Variants in SEC31A observed in about 807,000 individuals in gnomAD.
The protein encoded by SEC31A is SEC31 homolog A, COPII component.
A neutral mutation model predicts 151.0 loss-of-function variants in SEC31A; 70 were observed. The ratio of observed to expected loss-of-function variants is 0.46; its 90% CI spans 0.38 to 0.57. The LOEUF is 0.57. Among genes scored for constraint, SEC31A ranks in the 20% least tolerant of loss-of-function variants. SEC31A has a pLI of 0.00. For synonymous variants in SEC31A, 475 were observed against 505.9 expected (o/e 0.94, Z 0.82); for missense variants, 1,330 against 1,471.2 (o/e 0.90, Z 1.57).
intron 8 of SEC31A, among the ~76,000 whole-genome samples, chr4:82,868,237 G>A (rs777909469): frequency 6.6e-6 from 1 of 152,136 alleles, no homozygotes; most frequent in East Asian, 1.9e-4. Context: ...GGTGGTTCAC[G>A]CCTATAATCC....
chr4:82,852,333 C>T (rs750019383), intron 18 of SEC31A, among the ~76,000 whole-genome samples: 1 of 152,158 alleles, frequency 6.6e-6, no homozygotes, highest in Non-Finnish European at 1.5e-5. Flanking sequence ...CACCATCTAT[C>T]CTATAAAAAT....
At chr4:82,823,573 C>T (rs750507447) in intron 25 of SEC31A, among the ~76,000 whole-genome samples, 15 of 152,006 alleles carry the variant, frequency 9.9e-5, no homozygotes, top group Non-Finnish European at 1.8e-4. Context: ...GACAAGTAGC[C>T]GATGATTAAA....
upstream of SEC31A, chr4:82,895,345 C>T (rs919124648): frequency 1.3e-5 from 2 of 152,166 alleles, no homozygotes; most frequent in Non-Finnish European, 2.9e-5. Flanking sequence ...TGGCATGCGC[C>T]TCTAATCCCA....
chr4:82,898,653 T>C (rs1170536639), intron 3 of SEC31A, among the ~76,000 whole-genome samples: 1 of 152,182 alleles, frequency 6.6e-6, no homozygotes, highest in Non-Finnish European at 1.5e-5. Context: ...CTTAAGAAAA[T>C]GGCAAGTGAA....
chr4:82,879,068 T>G (rs900602664), intron 3 of SEC31A, 140 bp from the exon 4 acceptor site: 1 of 656,838 alleles, frequency 1.5e-6, no homozygotes, highest in Non-Finnish European at 2.7e-6. Context: ...GGTAACTATG[T>G]ATGACTTTGG....
At chr4:82,835,707 A>T (rs555441924) in intron 22 of SEC31A, among the ~76,000 whole-genome samples, 1 of 152,224 alleles carries the variant, frequency 6.6e-6, no homozygotes, top group East Asian at 1.9e-4. Flanking sequence ...AGGCATGAGA[A>T]TTGCTTGAAC....
At chr4:82,882,193 G>A (rs967819558) in intron 1 of SEC31A, among the ~76,000 whole-genome samples, 3 of 152,034 alleles carry the variant, frequency 2.0e-5, no homozygotes, top group Admixed American at 6.6e-5. Context: ...CACGAGGTCA[G>A]GAGATTGAGA....
chr4:82,829,021 G>A lies in SEC31A; in HGVS notation c.3006C>T (p.Asn1002=). The part of the protein sequence containing the change: ...QNGWNDPPAL[N]RVPKKKKMPE... The stretch of plus-strand genomic sequence containing the variant: ...GTACCTTCTTCTTTTTGGGTACTCT[G>A]TTCAAAGCTGGAGGGTCATTCCAAC... The change falls in exon 23 of 27, where the codon AAC becomes AAT. Residue 1002 remains asparagine (N), a synonymous_variant. Coordinates refer to ENST00000395310, the MANE Select transcript of SEC31A (RefSeq NM_001077207.4). 1 of 1,613,660 alleles carries A rather than the reference G, an allele frequency of 6.2e-7. No homozygotes were observed. Among genetic ancestry groups the A allele is most frequent in the African/African-American group, 1.3e-5 (1 of 75,018 alleles).
rs1301549156 is a variant in SEC31A at position 82,841,429 on chromosome 4, GA to G, written c.2968+710del. Among the ~76,000 whole-genome samples the G allele has an allele frequency of 9.9e-4, 47 of 47,680 alleles. 1 individual carries two copies. The highest frequency in any genetic ancestry group is 3.2e-3 in the Admixed American group (10 of 3,152). The allele number at this position is 47,680 out of a possible 152,430, so 31.3% of individuals were successfully genotyped here. ...CAGAATGAGACTCCATCTCAAAAAAGAAAAAAAAAATTTTATATATATATAT... is the reference window on the plus strand; with the variant it reads ...CAGAATGAGACTCCATCTCAAAAAAGAAAAAAAAATTTTATATATATATAT... On this transcript the variant is annotated intron_variant, in intron 22 of 26. Transcript: ENST00000395310.
At chr4:82,826,649 G>A (rs943820039) in intron 24 of SEC31A, among the ~76,000 whole-genome samples, 1 of 152,194 alleles carries the variant, frequency 6.6e-6, no homozygotes, top group African/African-American at 2.4e-5. Context: ...CACTGCACCC[G>A]GCTTCAGGCA....
intron 1 of SEC31A, chr4:82,890,712 T>C: frequency 1.9e-6 from 2 of 1,069,764 alleles, no homozygotes; most frequent in South Asian, 8.0e-5. Flanking sequence ...AAAGTAATCC[T>C]GAGATTTTTT....
At chr4:82,824,738 G>A in intron 24 of SEC31A, 64 bp from the exon 25 acceptor site, 7 of 1,548,120 alleles carry the variant, frequency 4.5e-6, no homozygotes, top group African/African-American at 1.4e-5. Context: ...ACACAATCTT[G>A]AATCTATGTG....
intron 1 of SEC31A, chr4:82,890,839 G>GC (rs1254195695): frequency 1.5e-6 from 2 of 1,329,552 alleles, no homozygotes; most frequent in Non-Finnish European, 1.9e-6. Flanking sequence ...ACTGTCGCCA[G>GC]CCTCGGGTGG....
intron 22 of SEC31A, among the ~76,000 whole-genome samples, chr4:82,839,115 T>G (rs898537466): frequency 6.6e-6 from 1 of 152,122 alleles, no homozygotes; most frequent in Non-Finnish European, 1.5e-5. Flanking sequence ...TAGCTGGGAT[T>G]GTAGGCGCCC....
intron 26 of SEC31A, among the ~76,000 whole-genome samples, chr4:82,820,176 C>T (rs1483142484): frequency 5.0e-5 from 7 of 139,946 alleles, no homozygotes; most frequent in African/African-American, 1.6e-4. Context: ...GCTATGTTGC[C>T]CAGGCTGGTC....
intron 20 of SEC31A, among the ~76,000 whole-genome samples, chr4:82,847,519 G>T (rs1324486839): frequency 6.6e-6 from 1 of 152,184 alleles, no homozygotes; most frequent in Non-Finnish European, 1.5e-5. Flanking sequence ...TGTAGAGCTT[G>T]CCTTGCTTCA....
chr4:82,845,346 A>C (rs1287697957), intron 20 of SEC31A: 1 of 1,073,682 alleles, frequency 9.3e-7, no homozygotes, highest in Non-Finnish European at 1.3e-6. Flanking sequence ...GAAAACGTTA[A>C]AAGAAGAAAA....
intron 21 of SEC31A, chr4:82,843,661 T>C (rs2149258473): frequency 1.3e-5 from 1 of 79,462 alleles, no homozygotes; most frequent in African/African-American, 3.5e-5. Flanking sequence ...ATTTTCCCCT[T>C]TGAGATTTTT....
chr4:82,890,988 G>A (rs1719617199), intron 1 of SEC31A, 100 bp downstream of exon 1: 44 of 1,504,280 alleles, frequency 2.9e-5, no homozygotes, highest in Non-Finnish European at 3.9e-5. Flanking sequence ...AGGCTGGTGC[G>A]GGGCAGCGGA....
Sources: gnomAD v4.1 joint callset for allele counts (sites outside exome capture counted in the v4.1 genomes callset) on GRCh38, gnomAD v4.1.1 for gene constraint, MANE v1.5 for transcripts, NCBI Gene and HGNC (gene_info 2026-07-23, HGNC 2026-07-21) for gene names.